Variants in ZDHHC21 observed in about 807,000 individuals in gnomAD.
ZDHHC21 encodes the protein palmitoyltransferase ZDHHC21.
Under a neutral mutation model 34.6 loss-of-function variants are expected in ZDHHC21, and 15 were observed. That is an observed-to-expected ratio of 0.43 (90% CI 0.29 to 0.67). ZDHHC21 has a LOEUF of 0.67. Ranked by LOEUF, ZDHHC21 falls within the 30% of genes least tolerant of loss-of-function variation. ZDHHC21 has a pLI of 0.14. For missense variants in ZDHHC21, 344 were observed against 327.7 expected (o/e 1.05, Z -0.38); for synonymous variants, 142 against 101.8 (o/e 1.40, Z -2.38).
Position 14,611,901 on chromosome 9 carries a change from T to C in ZDHHC21, c.*7065A>G, listed in dbSNP as rs1297479380. ...TTATTCTTACATATATGAAGTAGAA[T>C]TTTTTTTCTTTTATATGTTCATCTC... On this transcript the variant is annotated 3_prime_UTR_variant, in exon 10 of 10. Transcript: ENST00000380916. 1 of 151,904 alleles carries C rather than the reference T, an allele frequency of 6.6e-6. No homozygotes were observed. Among genetic ancestry groups the C allele is most frequent in the Non-Finnish European group, 1.5e-5 (1 of 67,926 alleles). 9.4% of individuals were successfully genotyped at this position (151,904 alleles called of 1,614,324 possible).
intron 7 of ZDHHC21, among the ~76,000 whole-genome samples, chr9:14,641,051 C>G (rs902982604): frequency 1.3e-5 from 2 of 152,112 alleles, no homozygotes; most frequent in African/African-American, 4.8e-5. Flanking sequence ...ACACAACCAC[C>G]CACATGCTTT....
chr9:14,594,096 A>G, the ZDHHC21 span: 1 of 152,316 alleles, frequency 6.6e-6, no homozygotes, highest in East Asian at 1.9e-4. Context: ...GCTAGATAAG[A>G]TATTTGAAAA....
chr9:14,615,346 C>T lies in ZDHHC21; in HGVS notation c.*3620G>A, dbSNP rs1484073837. On this transcript the variant is annotated 3_prime_UTR_variant, in exon 10 of 10. Transcript: ENST00000380916. ...AGAGAAAAATGCCTCTATGCATTGGCAAAAACGCACTGATGTTAATCCTGG... is the reference window on the plus strand; with the variant it reads ...AGAGAAAAATGCCTCTATGCATTGGTAAAAACGCACTGATGTTAATCCTGG... 1 of 151,578 alleles carries T rather than the reference C, an allele frequency of 6.6e-6. No homozygotes were observed. Among genetic ancestry groups the T allele is most frequent in the African/African-American group, 2.4e-5 (1 of 41,368 alleles). The allele number at this position is 151,578 out of a possible 1,614,324, so 9.4% of individuals were successfully genotyped here.
intron 7 of ZDHHC21, among the ~76,000 whole-genome samples, chr9:14,656,819 A>G (rs1184781166): frequency 6.6e-6 from 1 of 151,998 alleles, no homozygotes; most frequent in Non-Finnish European, 1.5e-5. Flanking sequence ...ATTTAAAAAA[A>G]TCACCTGCTT....
intron 7 of ZDHHC21, among the ~76,000 whole-genome samples, chr9:14,652,633 G>A (rs1831425505): frequency 6.6e-6 from 1 of 151,902 alleles, no homozygotes; most frequent in South Asian, 2.1e-4. Flanking sequence ...GAGGAGAAGA[G>A]AGAAATGGAA....
chr9:14,652,804 G>T lies in ZDHHC21; in HGVS notation c.504+5945C>A, dbSNP rs117456536. Among the ~76,000 whole-genome samples, 396 of 151,546 alleles carry T rather than the reference G, an allele frequency of 2.6e-3. 5 individuals carry two copies. The highest frequency in any genetic ancestry group is 0.017 in the East Asian group (86 of 5,154). On this transcript the variant is annotated intron_variant, in intron 7 of 9. Coordinates refer to ENST00000380916, the MANE Select transcript of ZDHHC21 (RefSeq NM_178566.6). Reference sequence around the variant, plus strand: ...GGTCAAAGTGCAACTCATTTTTTTTGTTGTTGTTGTTTAATGAATAAACAC... The same window carrying T: ...GGTCAAAGTGCAACTCATTTTTTTTTTTGTTGTTGTTTAATGAATAAACAC...
chr9:14,619,141 G>A, intron 9 of ZDHHC21, 43 bp from the exon 10 acceptor site: 3 of 1,558,226 alleles, frequency 1.9e-6, no homozygotes, highest in East Asian at 2.3e-5. Context: ...CACTCCCATG[G>A]TGCACTTCAG....
In ZDHHC21 at chr9:14,647,329, G is replaced by C. The variant is rs577890353; in HGVS notation, c.505-7317C>G. 3.9e-5 allele frequency among the ~76,000 whole-genome samples: 6 copies of C among 152,176 alleles called. No homozygotes were observed. The East Asian group carries it at 1.2e-3, about 29-fold the overall frequency. On this transcript the variant is annotated intron_variant, in intron 7 of 9. Coordinates refer to ENST00000380916, the MANE Select transcript of ZDHHC21 (RefSeq NM_178566.6). ...AGAAGAGTCAGATTTGGCTATTTATGATCTAACAAATAATTAAATACTTGA... is the reference window on the plus strand; with the variant it reads ...AGAAGAGTCAGATTTGGCTATTTATCATCTAACAAATAATTAAATACTTGA...
chr9:14,670,867 A>G (rs2131498919), intron 5 of ZDHHC21, among the ~76,000 whole-genome samples: 1 of 152,216 alleles, frequency 6.6e-6, no homozygotes, highest in South Asian at 2.1e-4. Context: ...AAATCCATCC[A>G]TCTTAACACA....
chr9:14,649,907 A>G (rs1373950154), intron 7 of ZDHHC21, among the ~76,000 whole-genome samples: 1 of 152,114 alleles, frequency 6.6e-6, no homozygotes, highest in Non-Finnish European at 1.5e-5. Context: ...GCAGTGCTAC[A>G]GTGTTTGGTA....
chr9:14,600,927 T>C, the ZDHHC21 span, among the ~76,000 whole-genome samples: 3 of 152,110 alleles, frequency 2.0e-5, no homozygotes, highest in East Asian at 3.9e-4. Flanking sequence ...ATAAATGGTG[T>C]TGGGAAAACT....
chr9:14,627,024 T>A (rs1046514320), intron 8 of ZDHHC21, among the ~76,000 whole-genome samples: 1 of 152,072 alleles, frequency 6.6e-6, no homozygotes, highest in East Asian at 1.9e-4. Context: ...GATGTTCATG[T>A]CTGCAATGCT....
chr9:14,647,376 T>C (rs913447278), intron 7 of ZDHHC21, among the ~76,000 whole-genome samples: 8 of 152,176 alleles, frequency 5.3e-5, no homozygotes, highest in Non-Finnish European at 8.8e-5. Context: ...CTTCAGCTCA[T>C]ATCTTCCTAT....
chr9:14,687,827 A>G (rs1838568086), intron 2 of ZDHHC21, among the ~76,000 whole-genome samples: 2 of 151,068 alleles, frequency 1.3e-5, no homozygotes, highest in African/African-American at 5.0e-5. Context: ...ACAATTTACA[A>G]GCTAAGTTTT....
chr9:14,629,080 T>A (rs544477209), intron 8 of ZDHHC21, among the ~76,000 whole-genome samples: 5 of 152,302 alleles, frequency 3.3e-5, no homozygotes, highest in African/African-American at 1.2e-4. Context: ...TGACTAAAGG[T>A]TAGGATAACA....
At chr9:14,632,538 G>GAAA (rs1827550596) in intron 8 of ZDHHC21, among the ~76,000 whole-genome samples, 1 of 60,758 alleles carries the variant, frequency 1.6e-5, no homozygotes. Context: ...CTTGGATTAG[G>GAAA]CAATGGTATC....
rs769819264 is a variant in ZDHHC21 at position 14,658,464 on chromosome 9, C to CTTTTTTTTT, written c.504+276_504+284dup. On this transcript the variant is annotated intron_variant, in intron 7 of 9. Transcript: ENST00000380916. The stretch of plus-strand genomic sequence containing the variant: ...CTAATGTTAGTGGATATAAACATTT[C>CTTTTTTTTT]TTTTTTTTTTTTTTTTTTTTTTTTT... Among the ~76,000 whole-genome samples, 611 of 65,386 alleles carry CTTTTTTTTT rather than the reference C, an allele frequency of 9.3e-3. 170 individuals are homozygous for CTTTTTTTTT. Among genetic ancestry groups the CTTTTTTTTT allele is most frequent in the Non-Finnish European group, 0.011 (411 of 37,952 alleles). 42.9% of individuals were successfully genotyped at this position (65,386 alleles called of 152,430 possible).
chr9:14,623,236 G>A (rs1176269490), intron 8 of ZDHHC21, among the ~76,000 whole-genome samples: 1 of 152,088 alleles, frequency 6.6e-6, no homozygotes, highest in Non-Finnish European at 1.5e-5. Flanking sequence ...TGAATGGCTG[G>A]GTGCGGTGGC....
In ZDHHC21 at chr9:14,612,700, CTCTG is replaced by C. The variant is rs1000501996; in HGVS notation, c.*6262_*6265del. On this transcript the variant is annotated 3_prime_UTR_variant, in exon 10 of 10. Transcript: ENST00000380916. Reference sequence around the variant, plus strand: ...AAAGCATCTCTCTCTCTGTCTCTCTCTCTGTCTGTCTGTCTCTCCGTATCTCTCT... The same window carrying C: ...AAAGCATCTCTCTCTCTGTCTCTCTCTCTGTCTGTCTCTCCGTATCTCTCT... 2.6e-4 allele frequency: 39 copies of C among 151,872 alleles called. 1 individual carries two copies. The highest frequency in any genetic ancestry group is 3.4e-3 in the Middle Eastern group (1 of 294). The allele number at this position is 151,872 out of a possible 1,614,324, so 9.4% of individuals were successfully genotyped here.
Sources: gnomAD v4.1 joint callset for allele counts (sites outside exome capture counted in the v4.1 genomes callset) on GRCh38, gnomAD v4.1.1 for gene constraint, MANE v1.5 for transcripts, NCBI Gene and HGNC (gene_info 2026-07-23, HGNC 2026-07-21) for gene names.